ASTN2: variants seen among roughly 807,000 people sequenced by gnomAD.
ASTN2 encodes astrotactin-2.
Under a neutral mutation model 139.8 loss-of-function variants are expected in ASTN2, and 54 were observed. The observed-to-expected ratio is 0.39, with a 90% CI of 0.31 to 0.48. The LOEUF is 0.48. Among genes scored for constraint, ASTN2 ranks in the 20% least tolerant of loss-of-function variants. The pLI, the probability that ASTN2 is intolerant of heterozygous loss-of-function variation, is 0.95. For missense variants in ASTN2, 1,565 were observed against 1,725.1 expected (o/e 0.91, Z 1.64); for synonymous variants, 756 against 719.5 (o/e 1.05, Z -0.81).
intron 10 of ASTN2, among the ~76,000 whole-genome samples, chr9:116,967,883 C>T (rs1382250885): frequency 6.6e-6 from 1 of 152,136 alleles, no homozygotes; most frequent in Non-Finnish European, 1.5e-5. Flanking sequence ...ACAATGTGAT[C>T]CAGAGAAAGG....
At chr9:116,846,491 C>T (rs1250084460) in intron 11 of ASTN2, among the ~76,000 whole-genome samples, 1 of 152,132 alleles carries the variant, frequency 6.6e-6, no homozygotes, top group African/African-American at 2.4e-5. Context: ...AGAGATAAGC[C>T]ATGTTTCAGG....
At chr9:117,397,951 T>C (rs905380928) in intron 1 of ASTN2, among the ~76,000 whole-genome samples, 6 of 152,232 alleles carry the variant, frequency 3.9e-5, no homozygotes, top group African/African-American at 1.4e-4. Flanking sequence ...GCTTCTCCTT[T>C]GCTGAGTTCA....
In ASTN2 at chr9:117,082,174, A is replaced by G. The variant is rs372595675; in HGVS notation, c.1276+13870T>C. On this transcript the variant is annotated intron_variant, in intron 5 of 22. Coordinates refer to ENST00000313400, the MANE Select transcript of ASTN2 (RefSeq NM_001365068.1). ...CTGGTTGGCAAATGTCCCCATCTGGATGGCTCACAGGCACCTCAAAGGCAG... is the reference window on the plus strand; with the variant it reads ...CTGGTTGGCAAATGTCCCCATCTGGGTGGCTCACAGGCACCTCAAAGGCAG... Among the ~76,000 whole-genome samples, 14 of 152,268 alleles carry G rather than the reference A, an allele frequency of 9.2e-5. 1 individual carries two copies. Among genetic ancestry groups the G allele is most frequent in the African/African-American group, 3.1e-4 (13 of 41,560 alleles).
chr9:117,186,179 C>A (rs7044769), intron 3 of ASTN2, among the ~76,000 whole-genome samples: 1 of 152,186 alleles, frequency 6.6e-6, no homozygotes, highest in Non-Finnish European at 1.5e-5. Flanking sequence ...AAATTTTATG[C>A]GTAATTATTT....
At chr9:116,601,991 G>A (rs773282592) in intron 19 of ASTN2, among the ~76,000 whole-genome samples, 1 of 152,178 alleles carries the variant, frequency 6.6e-6, no homozygotes, top group Non-Finnish European at 1.5e-5. Flanking sequence ...AAGGGACCCT[G>A]CAAGAGAGGC....
chr9:116,933,985 T>TTTTTTTTTTTTTTTTTTTTTTTTTTG (rs1834991856), intron 10 of ASTN2, among the ~76,000 whole-genome samples: 1 of 40,446 alleles, frequency 2.5e-5, no homozygotes, highest in Non-Finnish European at 7.1e-5. Context: ...AGTCCTTTTT[T>TTTTTTTTTTTTTTTTTTTTTTTTTTG]TTTTTTTTTT....
intron 11 of ASTN2, among the ~76,000 whole-genome samples, chr9:116,849,121 A>C (rs1412571804): frequency 6.6e-6 from 1 of 152,206 alleles, no homozygotes; most frequent in African/African-American, 2.4e-5. Flanking sequence ...GGGAAGAGGC[A>C]CGGAGTTTCC....
At chr9:116,522,215 CATGT>C (rs1028607558) in intron 19 of ASTN2, among the ~76,000 whole-genome samples, 68 of 152,230 alleles carry the variant, frequency 4.5e-4, no homozygotes, top group African/African-American at 1.6e-3. Flanking sequence ...CTTGCACATA[CATGT>C]TTATAGCAGC....
At chr9:116,972,873 G>C (rs139531185) in intron 10 of ASTN2, among the ~76,000 whole-genome samples, 1 of 152,190 alleles carries the variant, frequency 6.6e-6, no homozygotes, top group Non-Finnish European at 1.5e-5. Context: ...GCTTTTCCAC[G>C]TAGTCTTTCC....
chr9:116,559,713 T>C (rs569210650), intron 19 of ASTN2, among the ~76,000 whole-genome samples: 2 of 152,206 alleles, frequency 1.3e-5, no homozygotes, highest in Non-Finnish European at 2.9e-5. Context: ...TTATTTTGCC[T>C]GGGAAGCTGA....
intron 1 of ASTN2, among the ~76,000 whole-genome samples, chr9:117,375,802 G>T (rs1830107367): frequency 6.6e-6 from 1 of 152,026 alleles, no homozygotes; most frequent in Admixed American, 6.6e-5. Flanking sequence ...GCTTTTGTGG[G>T]GCAAAATCAA....
intron 2 of ASTN2, among the ~76,000 whole-genome samples, chr9:117,254,466 A>G (rs1833627587): frequency 6.6e-6 from 1 of 152,186 alleles, no homozygotes; most frequent in Non-Finnish European, 1.5e-5. Context: ...ACAGCTCCTG[A>G]GCACCTCTGA....
chr9:117,248,120 G>A (rs1276520168), intron 2 of ASTN2, among the ~76,000 whole-genome samples: 1 of 152,222 alleles, frequency 6.6e-6, no homozygotes, highest in Non-Finnish European at 1.5e-5. Context: ...GCAGAAGAAT[G>A]AGATATAGTC....
In ASTN2 at chr9:116,936,647, T is replaced by C. The variant is rs1451932345; in HGVS notation, c.1889+38561A>G. On this transcript the variant is annotated intron_variant, in intron 10 of 22. Transcript: ENST00000313400. The stretch of plus-strand genomic sequence containing the variant: ...AACATTTTCCAGAGACATTTCTCTC[T>C]TCCAGGAATTTTCAAGCTGTAAAGT... Among the ~76,000 whole-genome samples the C allele has an allele frequency of 1.1e-4, 16 of 152,282 alleles. No individual in the cohort carries two copies. The East Asian group carries it at 3.1e-3, about 30-fold the overall frequency.
chr9:117,074,301 G>GA (rs971841604), intron 5 of ASTN2, among the ~76,000 whole-genome samples: 24 of 152,182 alleles, frequency 1.6e-4, no homozygotes, highest in Admixed American at 2.6e-4. Flanking sequence ...ACAATTTTAA[G>GA]AAAGGAACGA....
At chr9:117,413,814 G>A (rs1019118777) in intron 1 of ASTN2, among the ~76,000 whole-genome samples, 3 of 152,182 alleles carry the variant, frequency 2.0e-5, no homozygotes, top group Non-Finnish European at 1.5e-5. Context: ...AAGGGAAGGC[G>A]GTAACGGGGG....
rs748527674 is a variant in ASTN2, at chr9:116,725,925, C to G, written c.2652G>C (p.Leu884=). 4.9e-5 allele frequency: 79 copies of G among 1,613,348 alleles called. No individual in the cohort carries two copies. In the South Asian group the frequency reaches 7.6e-4, roughly 15 times the overall value. Residue 884 remains leucine (L), a synonymous_variant, in exon 16 of 23, where the codon CTG becomes CTC. Coordinates refer to ENST00000313400, the MANE Select transcript of ASTN2 (RefSeq NM_001365068.1). ...AAGFTNVLKI[L]TKESSREELL... ...GCTCCTCCCGACTGCTCTCCTTGGT[C>G]AGGATCTTGAGAACATTAGTGAAGC...
intron 19 of ASTN2, among the ~76,000 whole-genome samples, chr9:116,539,385 G>GA (rs869145374): frequency 5.7e-5 from 7 of 123,586 alleles, no homozygotes; most frequent in South Asian, 5.0e-4. Context: ...ATGAGGGAGG[G>GA]AAAAAAAAAA....
Position 116,607,670 on chromosome 9 carries a change from A to AACACACACAC in ASTN2, c.3355+10644_3355+10653dup, listed in dbSNP as rs57512218. Among the ~76,000 whole-genome samples the AACACACACAC allele has an allele frequency of 5.4e-4, 74 of 136,366 alleles. 1 individual carries two copies. The highest frequency in any genetic ancestry group is 9.2e-4 in the East Asian group (4 of 4,368). 89.5% of individuals were successfully genotyped at this position (136,366 alleles called of 152,430 possible). A position where few individuals can be genotyped will look rare whatever the true frequency, so the allele number is the denominator to read the frequency against. ...CTACTGCCCACACCATTAAGAAATT[A>AACACACACAC]ACACACACACACACACACACACACA... is the stretch of plus-strand genomic sequence containing the variant. On this transcript the variant is annotated intron_variant, in intron 19 of 22. Transcript: ENST00000313400.
Sources: gnomAD v4.1 joint callset for allele counts (sites outside exome capture counted in the v4.1 genomes callset) on GRCh38, gnomAD v4.1.1 for gene constraint, MANE v1.5 for transcripts, NCBI Gene and HGNC (gene_info 2026-07-23, HGNC 2026-07-21) for gene names.